Variants in TMEM272 observed in about 807,000 individuals in gnomAD.
TMEM272 encodes long intergenic non-protein coding RNA 282.
TMEM272 carries 8 observed loss-of-function variants against 3.7 expected under a neutral mutation model. The observed-to-expected ratio is 2.17, with a 90% confidence interval of 1.27 to 3.91. TMEM272 has a LOEUF of 3.91. Ranked by LOEUF, TMEM272 falls within the 30% of genes most tolerant of loss-of-function variation. The pLI, the probability that TMEM272 is intolerant of heterozygous loss-of-function variation, is 0.00. For missense variants in TMEM272, 166 were observed against 91.5 expected (o/e 1.81, Z -3.32); for synonymous variants, 63 against 39.8 (o/e 1.58, Z -2.20).
the TMEM272 span, among the ~76,000 whole-genome samples, chr13:51,853,647 T>C: frequency 6.6e-6 from 1 of 152,114 alleles, no homozygotes; most frequent in Non-Finnish European, 1.5e-5. Flanking sequence ...ATATCCCTAA[T>C]GGAATAAATT....
At chr13:51,836,175 G>A (rs561278971) in intron 2 of TMEM272, among the ~76,000 whole-genome samples, 1 of 152,312 alleles carries the variant, frequency 6.6e-6, no homozygotes, top group South Asian at 2.1e-4. Context: ...CATCACTGGA[G>A]TGGGTTCATT....
intron 1 of TMEM272, among the ~76,000 whole-genome samples, chr13:51,842,425 A>G (rs867065151): frequency 9.9e-5 from 15 of 152,242 alleles, no homozygotes; most frequent in Non-Finnish European, 1.6e-4. Flanking sequence ...ATAGATAAGC[A>G]GAAAAGGAGT....
chr13:51,880,580 C>T, the TMEM272 span, among the ~76,000 whole-genome samples: 1 of 152,268 alleles, frequency 6.6e-6, no homozygotes, highest in South Asian at 2.1e-4. Context: ...CCCCACACTA[C>T]CTTCCCACCC....
the TMEM272 span, among the ~76,000 whole-genome samples, chr13:51,884,651 C>A: frequency 6.6e-6 from 1 of 152,174 alleles, no homozygotes; most frequent in South Asian, 2.1e-4. Context: ...GGTCCTCTGA[C>A]ATTGGAGTCA....
At chr13:51,920,973 C>T in the TMEM272 span, among the ~76,000 whole-genome samples, 1 of 152,208 alleles carries the variant, frequency 6.6e-6, no homozygotes, top group Non-Finnish European at 1.5e-5. Context: ...ATTATGGATT[C>T]CCCTTAGGCT....
chr13:51,851,725 A>T, the TMEM272 span, among the ~76,000 whole-genome samples: 5 of 152,100 alleles, frequency 3.3e-5, no homozygotes, highest in Non-Finnish European at 7.4e-5. Context: ...GGGTTTCACT[A>T]TGTTGGCCAG....
the TMEM272 span, chr13:51,865,737 C>G: frequency 9.3e-6 from 15 of 1,614,068 alleles, no homozygotes; most frequent in Non-Finnish European, 1.3e-5. Flanking sequence ...GAAGAGAAAA[C>G]TTTCTGGAAA....
the TMEM272 span, among the ~76,000 whole-genome samples, chr13:51,896,350 G>A: frequency 1.3e-5 from 2 of 152,350 alleles, no homozygotes; most frequent in African/African-American, 4.8e-5. Flanking sequence ...AGAGAAACAC[G>A]TGTGTGTAAC....
the TMEM272 span, among the ~76,000 whole-genome samples, chr13:51,900,940 T>C: frequency 4.3e-4 from 65 of 152,256 alleles, 1 homozygote; most frequent in South Asian, 8.7e-3. Flanking sequence ...AAAAAGTAGA[T>C]ACAAGGTTGC....
the TMEM272 span, among the ~76,000 whole-genome samples, chr13:51,904,843 C>T: frequency 1.3e-5 from 2 of 152,198 alleles, no homozygotes; most frequent in Admixed American, 6.5e-5. Flanking sequence ...TCATTCTGTA[C>T]TGATGTGGAG....
the TMEM272 span, among the ~76,000 whole-genome samples, chr13:51,867,155 C>T: frequency 6.6e-6 from 1 of 152,204 alleles, no homozygotes; most frequent in Admixed American, 6.5e-5. Context: ...ACTTACCTCA[C>T]CGTAGTGGGT....
rs1239303953 is a variant in TMEM272, at chr13:51,815,406, G to A, written c.*1345C>T. 6.6e-6 allele frequency: 1 copy of A among 152,512 alleles called. No homozygotes were observed. Among genetic ancestry groups the A allele is most frequent in the Non-Finnish European group, 1.5e-5 (1 of 68,034 alleles). 9.4% of individuals were successfully genotyped at this position (152,512 alleles called of 1,614,324 possible). A position where few individuals can be genotyped will look rare whatever the true frequency, so the allele number is the denominator to read the frequency against. Reference sequence around the variant, plus strand: ...TGGGAAGACCCCATGGGACTCACGGGGCCTTTCTCTTAAAGCTACGGAGAA... The same window carrying A: ...TGGGAAGACCCCATGGGACTCACGGAGCCTTTCTCTTAAAGCTACGGAGAA... On this transcript the variant is annotated 3_prime_UTR_variant, in exon 5 of 5. Coordinates refer to ENST00000629372, the MANE Select transcript of TMEM272 (RefSeq NM_001351003.2).
chr13:51,916,556 G>A, the TMEM272 span, among the ~76,000 whole-genome samples: 7 of 152,186 alleles, frequency 4.6e-5, no homozygotes, highest in South Asian at 1.2e-3. Context: ...GAGCCACATG[G>A]AGCCAGGTGC....
At chr13:51,838,698 C>T in intron 1 of TMEM272, 145 bp from the exon 2 acceptor site, 1 of 663,114 alleles carries the variant, frequency 1.5e-6, no homozygotes, top group Non-Finnish European at 2.7e-6. Flanking sequence ...TCAGGTGTGG[C>T]CTTGTTAGTG....
the TMEM272 span, among the ~76,000 whole-genome samples, chr13:51,858,153 C>G: frequency 6.6e-6 from 1 of 152,206 alleles, no homozygotes; most frequent in Non-Finnish European, 1.5e-5. Flanking sequence ...GCAAGTACAT[C>G]TCTCTCAGTA....
At position 51,826,859 on chromosome 13, in the gene TMEM272, G is replaced by C. The variant is rs948987765; in HGVS notation, c.59-234C>G. ...CTCGTGATCACTTTGCCGATGCCAA[G>C]GCCCAGATATCCTGCAGGACCTCTC... On this transcript the variant is annotated intron_variant, in intron 2 of 4. Transcript: ENST00000629372. 5.3e-5 allele frequency among the ~76,000 whole-genome samples: 8 copies of C among 152,278 alleles called. No homozygotes were observed. The East Asian group carries it at 1.5e-3, about 29-fold the overall frequency.
At chr13:51,853,133 G>A in the TMEM272 span, among the ~76,000 whole-genome samples, 7 of 152,286 alleles carry the variant, frequency 4.6e-5, no homozygotes, top group South Asian at 8.3e-4. Flanking sequence ...CAGGCCAGGC[G>A]TGGTGGCTCA....
chr13:51,919,224 C>T, the TMEM272 span, among the ~76,000 whole-genome samples: 8 of 152,094 alleles, frequency 5.3e-5, no homozygotes, highest in Non-Finnish European at 1.0e-4. Flanking sequence ...TCTACAAACA[C>T]CAGACCCACG....
chr13:51,820,613 A>T (rs1423723305), intron 4 of TMEM272, among the ~76,000 whole-genome samples: 1 of 152,224 alleles, frequency 6.6e-6, no homozygotes, highest in African/African-American at 2.4e-5. Flanking sequence ...GGACAGTAGC[A>T]TCTCTAAAGG....
Sources: allele counts gnomAD v4.1 joint callset (sites outside exome capture counted in the v4.1 genomes callset), GRCh38; gene constraint gnomAD v4.1.1; transcripts MANE v1.5; gene names NCBI Gene and HGNC (gene_info 2026-07-23, HGNC 2026-07-21).